Variants in FANCM observed in about 807,000 individuals in gnomAD.
The protein encoded by FANCM is Fanconi anemia group M protein.
FANCM carries 140 observed loss-of-function variants against 199.5 expected under a neutral mutation model. The ratio of observed to expected loss-of-function variants is 0.70; its 90% CI spans 0.61 to 0.81. FANCM has a LOEUF of 0.81. Ranked by LOEUF, FANCM falls within the 30% of genes least tolerant of loss-of-function variation. FANCM has a pLI of 0.00. For synonymous variants in FANCM, 840 were observed against 836.8 expected (o/e 1.00, Z -0.07); for missense variants, 2,410 against 2,421.4 (o/e 1.00, Z 0.10).
In FANCM at chr14:45,151,382, CT is replaced by C; in HGVS notation, c.919-11del. The C allele has an allele frequency of 6.2e-7, 1 of 1,612,594 alleles. No homozygotes were observed. The highest frequency in any genetic ancestry group is 8.5e-7 in the Non-Finnish European group (1 of 1,178,984). On this transcript the variant is annotated splice_polypyrimidine_tract_variant and intron_variant, in intron 4 of 22. Coordinates refer to ENST00000267430, the MANE Select transcript of FANCM (RefSeq NM_020937.4). ...TTTAGAGCAAGCTTAAACTAGATTG[CT>C]TTTAAATTTGCAGATTTTGGAATCA...
chr14:45,198,565 T>TGACG, intron 21 of FANCM, 79 bp from the exon 22 acceptor site: 3 of 839,586 alleles, frequency 3.6e-6, no homozygotes, highest in South Asian at 2.5e-5. Context: ...TCTTGGGATT[T>TGACG]TAATAAAATA....
At chr14:45,152,706 A>C (rs1459945727) in intron 5 of FANCM, among the ~76,000 whole-genome samples, 1 of 152,212 alleles carries the variant, frequency 6.6e-6, no homozygotes, top group Non-Finnish European at 1.5e-5. Flanking sequence ...TGGAAACTGG[A>C]TATGATAATA....
At position 45,165,915 on chromosome 14, in the gene FANCM, C is replaced by T. The variant is rs980273037; in HGVS notation, c.1789-1035C>T. Among the ~76,000 whole-genome samples, 8 of 152,164 alleles carry T rather than the reference C, an allele frequency of 5.3e-5. No homozygotes were observed. The East Asian group carries it at 1.2e-3, about 22-fold the overall frequency. Reference sequence around the variant, plus strand: ...TGTCAGCACCCTGCAAAGGGAGTAACGCTTTTGTTGTATACAGGGAAGGAA... The same window carrying T: ...TGTCAGCACCCTGCAAAGGGAGTAATGCTTTTGTTGTATACAGGGAAGGAA... On this transcript the variant is annotated intron_variant, in intron 10 of 22. Coordinates refer to ENST00000267430, the MANE Select transcript of FANCM (RefSeq NM_020937.4).
intron 4 of FANCM, 62 bp downstream of exon 4, chr14:45,149,057 C>G: frequency 8.0e-7 from 1 of 1,252,416 alleles, no homozygotes; most frequent in Non-Finnish European, 1.2e-6. Context: ...ATTATTTCAG[C>G]TAACAGGATT....
At chr14:45,178,153 G>T (rs972757519) in intron 14 of FANCM, among the ~76,000 whole-genome samples, 1 of 152,190 alleles carries the variant, frequency 6.6e-6, no homozygotes, top group African/African-American at 2.4e-5. Flanking sequence ...CGTTAGCATG[G>T]AGGACATGGT....
intron 7 of FANCM, 152 bp downstream of exon 7, chr14:45,154,974 TA>T (rs1887078639): frequency 1.7e-6 from 1 of 584,546 alleles, no homozygotes; most frequent in East Asian, 3.0e-5. Context: ...TTTTTAAGAT[TA>T]ATATATATTC....
chr14:45,165,194 A>G (rs1002777462), intron 10 of FANCM, among the ~76,000 whole-genome samples: 3 of 152,234 alleles, frequency 2.0e-5, no homozygotes, highest in African/African-American at 4.8e-5. Context: ...TTTGTAACTT[A>G]TCGAGACTAG....
chr14:45,184,660 C>CAAAAAAA lies in FANCM; in HGVS notation c.4516-544_4516-538dup, dbSNP rs776110476. On this transcript the variant is annotated intron_variant, in intron 17 of 22. Coordinates refer to ENST00000267430, the MANE Select transcript of FANCM (RefSeq NM_020937.4). Reference sequence around the variant, plus strand: ...TGGGCAACAAAGTGAGACTCTGTCTCAAAAAAAAAAAAAAAAAAAGATCAA... The same window carrying CAAAAAAA: ...TGGGCAACAAAGTGAGACTCTGTCTCAAAAAAAAAAAAAAAAAAAAAAAAAAGATCAA... Among the ~76,000 whole-genome samples the CAAAAAAA allele has an allele frequency of 7.7e-3, 479 of 62,082 alleles. 5 individuals carry two copies. Among genetic ancestry groups the CAAAAAAA allele is most frequent in the African/African-American group, 0.028 (458 of 16,404 alleles). The allele number at this position is 62,082 out of a possible 152,430, so 40.7% of individuals were successfully genotyped here.
intron 20 of FANCM, among the ~76,000 whole-genome samples, chr14:45,191,350 T>G: frequency 6.6e-6 from 1 of 152,186 alleles, no homozygotes; most frequent in Non-Finnish European, 1.5e-5. Context: ...TCCTAGGCTT[T>G]TCTCGACAAG....
intron 17 of FANCM, 36 bp from the exon 18 acceptor site, chr14:45,185,181 C>G: frequency 7.4e-7 from 1 of 1,360,012 alleles, no homozygotes. Context: ...TATTTTCTCA[C>G]TGATATCTTC....
intron 3 of FANCM, among the ~76,000 whole-genome samples, chr14:45,146,728 G>T (rs1485132792): frequency 1.3e-5 from 2 of 151,286 alleles, no homozygotes; most frequent in African/African-American, 4.9e-5. Flanking sequence ...AGCTACTCGG[G>T]AGGCTGAGGC....
At chr14:45,157,163 A>G (rs949678798) in intron 8 of FANCM, among the ~76,000 whole-genome samples, 3 of 152,162 alleles carry the variant, frequency 2.0e-5, no homozygotes, top group African/African-American at 7.2e-5. Context: ...AAGAATAACA[A>G]AAGAAAGAGC....
At chr14:45,164,790 G>C (rs1359015913) in intron 10 of FANCM, among the ~76,000 whole-genome samples, 3 of 152,110 alleles carry the variant, frequency 2.0e-5, no homozygotes, top group Non-Finnish European at 2.9e-5. Flanking sequence ...TAATACTTAA[G>C]TAGTAATTCA....
chr14:45,168,860 GTA>G (rs963548060), intron 11 of FANCM, among the ~76,000 whole-genome samples: 9 of 147,442 alleles, frequency 6.1e-5, no homozygotes, highest in African/African-American at 1.0e-4. Flanking sequence ...TGTATTTGTA[GTA>G]TATATTATAT....
intron 3 of FANCM, among the ~76,000 whole-genome samples, chr14:45,147,541 C>A (rs987711779): frequency 2.6e-5 from 4 of 152,040 alleles, no homozygotes; most frequent in African/African-American, 9.7e-5. Flanking sequence ...ACTTGGCCTC[C>A]CACAGCCCTG....
Position 45,200,822 on chromosome 14 carries a change from G to T in FANCM, c.*814G>T, listed in dbSNP as rs1423043725. On this transcript the variant is annotated 3_prime_UTR_variant, in exon 23 of 23. Coordinates refer to ENST00000267430, the MANE Select transcript of FANCM (RefSeq NM_020937.4). ...CGTTTGCTTCCCCTCCACCATGATT[G>T]TAAGTTCCCGAGGCCTCCCCAGCCA... The T allele has an allele frequency of 1.3e-5, 2 of 152,178 alleles. No homozygotes were observed. The highest frequency in any genetic ancestry group is 2.9e-5 in the Non-Finnish European group (2 of 68,060). The allele number at this position is 152,178 out of a possible 1,614,324, so 9.4% of individuals were successfully genotyped here.
Position 45,136,115 on chromosome 14 carries a change from A to C in FANCM, c.84A>C (p.Gly28=). 1 of 1,614,124 alleles carries C rather than the reference A, an allele frequency of 6.2e-7. No individual in the cohort carries two copies. Among genetic ancestry groups the C allele is most frequent in the Non-Finnish European group, 8.5e-7 (1 of 1,180,022 alleles). ...RSSGTPGCSS[G]TERPQSPGSS... is the part of the protein sequence containing the mutation. ...CTGGGACTCCGGGTTGCAGCTCCGG[A>C]ACTGAGCGACCTCAGAGCCCTGGCA... Residue 28 remains glycine (G), a synonymous_variant, in exon 1 of 23, where the codon GGA becomes GGC. Transcript: ENST00000267430.
chr14:45,136,338 C>T lies in FANCM; in HGVS notation c.307C>T (p.Leu103=), dbSNP rs768136056. 2 of 1,614,182 alleles carry T rather than the reference C, an allele frequency of 1.2e-6. No homozygotes were observed. The highest frequency in any genetic ancestry group is 1.7e-5 in the Admixed American group (1 of 60,028). The change falls in exon 1 of 23, where the codon CTG becomes TTG. Residue 103 remains leucine, a synonymous_variant. Coordinates refer to ENST00000267430, the MANE Select transcript of FANCM (RefSeq NM_020937.4). ...CCAGCTGCACATTTCCCGGGCTGCTCTGTTTTGCAATACGCTGGTGTGTCT... is the reference window on the plus strand; with the variant it reads ...CCAGCTGCACATTTCCCGGGCTGCTTTGTTTTGCAATACGCTGGTGTGTCT... ...DYQLHISRAA[L]FCNTLVCLPT...
chr14:45,200,177 C>A lies in FANCM; in HGVS notation c.*169C>A, dbSNP rs893990696. ...ATAGAAATTATTAAAAAAGAAAAAT[C>A]TGATGTTCAGTGATCATTTTGACTA... On this transcript the variant is annotated 3_prime_UTR_variant, in exon 23 of 23. Coordinates refer to ENST00000267430, the MANE Select transcript of FANCM (RefSeq NM_020937.4). The A allele has an allele frequency of 1.3e-5, 3 of 223,074 alleles. No homozygotes were observed. Among genetic ancestry groups the A allele is most frequent in the African/African-American group, 7.0e-5 (3 of 42,894 alleles). The allele number at this position is 223,074 out of a possible 1,614,324, so 13.8% of individuals were successfully genotyped here. A position where few individuals can be genotyped will look rare whatever the true frequency, so the allele number is the denominator to read the frequency against.
Sources: allele counts gnomAD v4.1 joint callset (sites outside exome capture counted in the v4.1 genomes callset), GRCh38; gene constraint gnomAD v4.1.1; transcripts MANE v1.5; gene names NCBI Gene and HGNC (gene_info 2026-07-23, HGNC 2026-07-21).